Variants in CNTN5 observed in about 807,000 individuals in gnomAD.
CNTN5 encodes the protein contactin-5.
In CNTN5, 77 loss-of-function variants were observed where a neutral mutation model predicts 129.1. That is an observed-to-expected ratio of 0.60 (90% CI 0.50 to 0.72). CNTN5 has a LOEUF of 0.72. Ranked by LOEUF, CNTN5 falls within the 30% of genes least tolerant of loss-of-function variation. CNTN5 has a pLI of 0.00. For missense variants in CNTN5, 1,478 were observed against 1,328.8 expected, an observed-to-expected ratio of 1.11 and a Z score of -1.75; for synonymous variants, 509 against 465.6, an observed-to-expected ratio of 1.09 and a Z score of -1.20.
chr11:99,436,070 A>G (rs1423246317), intron 2 of CNTN5, among the ~76,000 whole-genome samples: 1 of 152,190 alleles, frequency 6.6e-6, no homozygotes, highest in Non-Finnish European at 1.5e-5. Context: ...ATGATCTCAT[A>G]TTACAACGCT....
chr11:100,150,129 C>T (rs1947006846), intron 13 of CNTN5, among the ~76,000 whole-genome samples: 1 of 152,084 alleles, frequency 6.6e-6, no homozygotes, highest in African/African-American at 2.4e-5. Context: ...TTGAGGATGT[C>T]TTCCATTTAG....
intron 11 of CNTN5, among the ~76,000 whole-genome samples, chr11:100,071,148 T>C (rs1943906420): frequency 6.6e-6 from 1 of 152,168 alleles, no homozygotes; most frequent in Admixed American, 6.6e-5. Context: ...CTTATGATAC[T>C]GAAGTATATT....
At chr11:99,751,205 TG>T (rs1022833620) in intron 3 of CNTN5, among the ~76,000 whole-genome samples, 6 of 152,004 alleles carry the variant, frequency 3.9e-5, no homozygotes, top group African/African-American at 1.5e-4. Flanking sequence ...GGTGTGGCGG[TG>T]GGTGCCTGCA....
chr11:99,340,599 A>G (rs1330229616), intron 2 of CNTN5, among the ~76,000 whole-genome samples: 2 of 152,188 alleles, frequency 1.3e-5, no homozygotes. Flanking sequence ...TTTTGGTGTT[A>G]CTGTTACTTG....
At chr11:99,078,853 GA>G (rs553822258) in intron 1 of CNTN5, among the ~76,000 whole-genome samples, 125 of 152,058 alleles carry the variant, frequency 8.2e-4, no homozygotes, top group African/African-American at 2.8e-3. Context: ...AATATAGTGA[GA>G]ATGAATAAGA....
intron 20 of CNTN5, among the ~76,000 whole-genome samples, chr11:100,301,190 G>A (rs1279034408): frequency 2.0e-5 from 3 of 151,550 alleles, no homozygotes; most frequent in Non-Finnish European, 4.4e-5. Flanking sequence ...TAAAATGTTG[G>A]AAACTAATTA....
At chr11:100,326,063 A>C (rs1290995681) in intron 21 of CNTN5, among the ~76,000 whole-genome samples, 1 of 152,210 alleles carries the variant, frequency 6.6e-6, no homozygotes, top group Non-Finnish European at 1.5e-5. Flanking sequence ...AATACAATAA[A>C]ATCAAAATCA....
At chr11:99,351,680 T>G (rs559948014) in intron 2 of CNTN5, among the ~76,000 whole-genome samples, 1 of 152,350 alleles carries the variant, frequency 6.6e-6, no homozygotes, top group African/African-American at 2.4e-5. Context: ...TTTCCCAAAT[T>G]GATTGGAATA....
At chr11:99,646,759 C>T (rs1258433330) in intron 3 of CNTN5, among the ~76,000 whole-genome samples, 1 of 140,120 alleles carries the variant, frequency 7.1e-6, no homozygotes, top group Non-Finnish European at 1.5e-5. Flanking sequence ...TGATAAAAGA[C>T]TGAACAAAAA....
At chr11:99,533,944 G>C (rs1010583263) in intron 2 of CNTN5, among the ~76,000 whole-genome samples, 1 of 152,104 alleles carries the variant, frequency 6.6e-6, no homozygotes, top group Admixed American at 6.5e-5. Context: ...ATTAGACCTG[G>C]GGATGCTGAA....
chr11:99,492,634 T>G (rs1462911150), intron 2 of CNTN5, among the ~76,000 whole-genome samples: 1 of 152,132 alleles, frequency 6.6e-6, no homozygotes, highest in African/African-American at 2.4e-5. Flanking sequence ...CCTTACCCAT[T>G]GCAAGGGTCA....
chr11:99,750,816 A>T (rs1393054969), intron 3 of CNTN5, among the ~76,000 whole-genome samples: 1 of 152,226 alleles, frequency 6.6e-6, no homozygotes, highest in Non-Finnish European at 1.5e-5. Flanking sequence ...GGTGCAATTT[A>T]TATTGATACT....
chr11:100,070,165 CA>C (rs3061793), intron 10 of CNTN5, among the ~76,000 whole-genome samples: 20,305 of 109,182 alleles, frequency 0.19, 1,267 homozygotes, highest in Middle Eastern at 0.23. Flanking sequence ...ACTTAAAGTC[CA>C]AAAAAAAAAA....
At chr11:99,611,384 C>A (rs1950589088) in intron 3 of CNTN5, among the ~76,000 whole-genome samples, 1 of 152,124 alleles carries the variant, frequency 6.6e-6, no homozygotes, top group Non-Finnish European at 1.5e-5. Context: ...ATATATACAG[C>A]TGTAATTTAT....
At chr11:100,185,575 G>T (rs1324221520) in intron 13 of CNTN5, among the ~76,000 whole-genome samples, 1 of 152,186 alleles carries the variant, frequency 6.6e-6, no homozygotes, top group Non-Finnish European at 1.5e-5. Flanking sequence ...TTTGGAAGCA[G>T]AGGAAGGACA....
chr11:100,208,593 T>G, intron 15 of CNTN5, among the ~76,000 whole-genome samples: 1 of 152,054 alleles, frequency 6.6e-6, no homozygotes, highest in East Asian at 1.9e-4. Context: ...ATTTAAAGGG[T>G]AAGGAAATAG....
intron 1 of CNTN5, among the ~76,000 whole-genome samples, chr11:99,256,201 C>T (rs1862367693): frequency 6.6e-6 from 1 of 151,984 alleles, no homozygotes; most frequent in Non-Finnish European, 1.5e-5. Flanking sequence ...AGGTTGAGGA[C>T]ACATTTTCTA....
At position 100,038,797 on chromosome 11, in the gene CNTN5, CT is replaced by C. The variant is rs553755617; in HGVS notation, c.981-22408del. On this transcript the variant is annotated intron_variant, in intron 9 of 24. Coordinates refer to ENST00000524871, the MANE Select transcript of CNTN5 (RefSeq NM_014361.4). The stretch of plus-strand genomic sequence containing the variant: ...CAGAGACTAGGATTGCAACCCCTGC[CT>C]TTTTTTGTTTTCCATTTGCTTGATA... Among the ~76,000 whole-genome samples, 179 of 152,020 alleles carry C rather than the reference CT, an allele frequency of 1.2e-3. 1 individual carries two copies. Among genetic ancestry groups the C allele is most frequent in the African/African-American group, 4.2e-3 (174 of 41,468 alleles).
intron 4 of CNTN5, among the ~76,000 whole-genome samples, chr11:99,834,052 A>G (rs1947227864): frequency 6.6e-6 from 1 of 152,220 alleles, no homozygotes; most frequent in Non-Finnish European, 1.5e-5. Flanking sequence ...TGGTAAAATA[A>G]TCTGACTGGA....
Sources: allele counts gnomAD v4.1 joint callset (sites outside exome capture counted in the v4.1 genomes callset), GRCh38; gene constraint gnomAD v4.1.1; transcripts MANE v1.5; gene names NCBI Gene and HGNC (gene_info 2026-07-23, HGNC 2026-07-21).